Variants in NEK11 observed in about 807,000 individuals in gnomAD.
NEK11 encodes NIMA related kinase 11.
Under a neutral mutation model 80.7 loss-of-function variants are expected in NEK11, and 72 were observed. That is an observed-to-expected ratio of 0.89 (90% CI 0.74 to 1.08). The LOEUF is 1.08. Ranked by LOEUF, NEK11 falls within the 50% of genes least tolerant of loss-of-function variation. The pLI is 0.00. For missense variants in NEK11, 764 were observed against 763.6 expected, an observed-to-expected ratio of 1.00 and a Z score of -0.01; for synonymous variants, 251 against 260.7, an observed-to-expected ratio of 0.96 and a Z score of 0.36.
intron 17 of NEK11, among the ~76,000 whole-genome samples, chr3:131,343,993 A>G (rs1027357391): frequency 2.0e-5 from 3 of 152,210 alleles, no homozygotes; most frequent in African/African-American, 7.2e-5. Flanking sequence ...TGGTTGCTCC[A>G]TAGCCTGCTT....
intron 16 of NEK11, among the ~76,000 whole-genome samples, chr3:131,251,618 T>G (rs2095706022): frequency 6.6e-6 from 1 of 152,246 alleles, no homozygotes; most frequent in Non-Finnish European, 1.5e-5. Context: ...TTTGGATACC[T>G]TTACTCTGCT....
chr3:131,143,165 C>G (rs1043261370), intron 7 of NEK11, among the ~76,000 whole-genome samples: 1 of 152,130 alleles, frequency 6.6e-6, no homozygotes, highest in East Asian at 1.9e-4. Context: ...TCAATAAATT[C>G]TTTTGGACAG....
chr3:131,243,594 T>A, intron 16 of NEK11, 98 bp downstream of exon 16: 5 of 1,005,558 alleles, frequency 5.0e-6, no homozygotes, highest in Non-Finnish European at 7.6e-6. Context: ...TCTGATATCT[T>A]AGTATAACAG....
chr3:131,040,497 TTG>T (rs1260207274), intron 3 of NEK11, among the ~76,000 whole-genome samples: 2 of 152,190 alleles, frequency 1.3e-5, no homozygotes, highest in Admixed American at 1.3e-4. Context: ...ACCTTAACAA[TTG>T]TGTTTAGAAA....
chr3:131,136,968 A>G (rs746991372), intron 7 of NEK11, among the ~76,000 whole-genome samples: 2 of 152,240 alleles, frequency 1.3e-5, no homozygotes, highest in African/African-American at 2.4e-5. Context: ...AGAAAACAAT[A>G]TTTCACTGTT....
At chr3:131,093,685 C>T (rs1029530040) in intron 4 of NEK11, among the ~76,000 whole-genome samples, 3 of 151,984 alleles carry the variant, frequency 2.0e-5, no homozygotes, top group African/African-American at 7.3e-5. Context: ...GGATTACAGG[C>T]GTGAGCCACT....
At chr3:131,258,793 G>A (rs1046083832) in intron 16 of NEK11, among the ~76,000 whole-genome samples, 4 of 151,964 alleles carry the variant, frequency 2.6e-5, no homozygotes, top group South Asian at 4.1e-4. Flanking sequence ...CTATCTTCTG[G>A]TATTTATCAT....
intron 16 of NEK11, among the ~76,000 whole-genome samples, chr3:131,257,986 A>T (rs936697265): frequency 2.6e-5 from 4 of 152,318 alleles, no homozygotes; most frequent in African/African-American, 9.6e-5. Flanking sequence ...CTACTCATCC[A>T]TAAAAAAGAA....
chr3:131,133,396 A>G (rs1429346851), intron 6 of NEK11: 5 of 404,110 alleles, frequency 1.2e-5, no homozygotes, highest in African/African-American at 8.4e-5. Flanking sequence ...TTTTATAGTC[A>G]TGTTCTTAAA....
chr3:131,180,601 G>A (rs765373995), intron 14 of NEK11, among the ~76,000 whole-genome samples: 2 of 152,046 alleles, frequency 1.3e-5, no homozygotes, highest in Non-Finnish European at 2.9e-5. Context: ...TGTTACCTAG[G>A]TCAGCAGGCG....
intron 3 of NEK11, among the ~76,000 whole-genome samples, chr3:131,076,562 C>A (rs1249346085): frequency 6.6e-6 from 1 of 152,016 alleles, no homozygotes; most frequent in East Asian, 1.9e-4. Flanking sequence ...GTAAAACAGG[C>A]AAATGATAAA....
chr3:131,319,195 A>G lies in NEK11; in HGVS notation c.1719-30362A>G, dbSNP rs138111291. Among the ~76,000 whole-genome samples, 28 of 152,272 alleles carry G rather than the reference A, an allele frequency of 1.8e-4. No homozygotes were observed. The East Asian group carries it at 5.2e-3, about 28-fold the overall frequency. On this transcript the variant is annotated intron_variant, in intron 17 of 17. Transcript: ENST00000383366. ...ATTGCCAAATTGATTTCCATACTCC[A>G]CAAAGATTTTTAATATAATCAATTT...
intron 15 of NEK11, among the ~76,000 whole-genome samples, chr3:131,230,172 G>GT (rs1218826106): frequency 7.9e-5 from 12 of 151,986 alleles, no homozygotes; most frequent in African/African-American, 2.7e-4. Flanking sequence ...ACTTAGAAAT[G>GT]TTTTTTAAGA....
intron 16 of NEK11, among the ~76,000 whole-genome samples, chr3:131,260,506 G>A (rs930508986): frequency 2.0e-5 from 3 of 152,138 alleles, no homozygotes; most frequent in Non-Finnish European, 4.4e-5. Flanking sequence ...TAAATAAAAT[G>A]TTACTGGAAC....
intron 3 of NEK11, among the ~76,000 whole-genome samples, chr3:131,045,149 G>A (rs912015843): frequency 2.0e-5 from 3 of 152,174 alleles, no homozygotes; most frequent in African/African-American, 7.2e-5. Flanking sequence ...AGCACTAAAT[G>A]CCCACAGGAG....
At chr3:131,317,303 G>A (rs2096850469) in intron 17 of NEK11, among the ~76,000 whole-genome samples, 1 of 152,164 alleles carries the variant, frequency 6.6e-6, no homozygotes, top group African/African-American at 2.4e-5. Flanking sequence ...CTCAATAAGG[G>A]TTCCTGCCAG....
chr3:131,338,568 A>G (rs1019325248), intron 17 of NEK11, among the ~76,000 whole-genome samples: 17 of 152,182 alleles, frequency 1.1e-4, no homozygotes, highest in Non-Finnish European at 2.5e-4. Context: ...CTTTATTCAC[A>G]ATCTTCAAAA....
intron 17 of NEK11, among the ~76,000 whole-genome samples, chr3:131,278,534 C>A (rs2096341108): frequency 6.7e-6 from 1 of 150,040 alleles, no homozygotes. Flanking sequence ...GGTTTCTGTT[C>A]AAAAAAGTTT....
intron 14 of NEK11, among the ~76,000 whole-genome samples, chr3:131,202,351 C>T (rs892060944): frequency 1.3e-5 from 2 of 152,092 alleles, no homozygotes; most frequent in Admixed American, 6.6e-5. Flanking sequence ...CCAAGGGAAG[C>T]CCTGACAGAC....
Sources: allele counts gnomAD v4.1 joint callset (sites outside exome capture counted in the v4.1 genomes callset), GRCh38; gene constraint gnomAD v4.1.1; transcripts MANE v1.5; gene names NCBI Gene and HGNC (gene_info 2026-07-23, HGNC 2026-07-21).